AGMO: variants seen among roughly 807,000 people sequenced by gnomAD.
The protein encoded by AGMO is alkylglycerol monooxygenase.
A neutral mutation model predicts 60.2 loss-of-function variants in AGMO; 75 were observed. The ratio of observed to expected loss-of-function variants is 1.25; its 90% confidence interval spans 1.03 to 1.51. The LOEUF is 1.51. AGMO is among the 40% of genes most tolerant of loss of function. The pLI, the probability that AGMO is intolerant of heterozygous loss-of-function variation, is 0.00. For synonymous variants in AGMO, 261 were observed against 177.1 expected, an observed-to-expected ratio of 1.47 and a Z score of -3.76; for missense variants, 763 against 525.5, an observed-to-expected ratio of 1.45 and a Z score of -4.42.
the AGMO span, among the ~76,000 whole-genome samples, chr7:15,139,244 C>A: frequency 1.8e-3 from 276 of 152,244 alleles, 1 homozygote; most frequent in African/African-American, 6.2e-3. Context: ...TTATCCACTC[C>A]CAATTATTTC....
At chr7:15,195,512 T>C (rs1781095679), downstream of AGMO, among the ~76,000 whole-genome samples, 1 of 152,214 alleles carries the variant, frequency 6.6e-6, no homozygotes, top group Non-Finnish European at 1.5e-5. Context: ...CTTTTTATTA[T>C]GCAAATGGGT....
intron 12 of AGMO, among the ~76,000 whole-genome samples, chr7:15,237,400 T>TA (rs946666557): frequency 1.1e-4 from 17 of 152,138 alleles, no homozygotes; most frequent in Admixed American, 6.5e-5. Flanking sequence ...ATTTATGGAA[T>TA]AAGAAAGGTC....
intron 12 of AGMO, among the ~76,000 whole-genome samples, chr7:15,205,833 G>C (rs559676005): frequency 6.6e-6 from 1 of 152,012 alleles, no homozygotes; most frequent in East Asian, 1.9e-4. Flanking sequence ...GTATACCCTG[G>C]CCCTAAATGG....
At chr7:15,420,459 T>C (rs1044430788) in intron 4 of AGMO, among the ~76,000 whole-genome samples, 2 of 152,244 alleles carry the variant, frequency 1.3e-5, no homozygotes, top group African/African-American at 4.8e-5. Context: ...CAAAATACTA[T>C]ATTTCTAACA....
the AGMO span, among the ~76,000 whole-genome samples, chr7:15,131,459 T>A: frequency 6.6e-6 from 1 of 152,098 alleles, no homozygotes; most frequent in Non-Finnish European, 1.5e-5. Context: ...AGTTGACTCT[T>A]GTTAGTGACA....
intron 3 of AGMO, among the ~76,000 whole-genome samples, chr7:15,449,203 T>G (rs1781790718): frequency 6.6e-6 from 1 of 152,130 alleles, no homozygotes; most frequent in South Asian, 2.1e-4. Context: ...TTATTTATAA[T>G]GAAGTTCAAT....
intron 5 of AGMO, 75 bp from the exon 6 acceptor site, chr7:15,394,254 GA>G: frequency 9.1e-7 from 1 of 1,100,400 alleles, no homozygotes; most frequent in Non-Finnish European, 1.4e-6. Flanking sequence ...GCTCACATTA[GA>G]AACTCACATA....
the AGMO span, among the ~76,000 whole-genome samples, chr7:15,162,411 G>A: frequency 6.6e-6 from 1 of 152,130 alleles, no homozygotes; most frequent in African/African-American, 2.4e-5. Flanking sequence ...AATCAAAGGT[G>A]ACCAGGCATG....
chr7:15,553,891 C>T (rs1475382234), intron 2 of AGMO, among the ~76,000 whole-genome samples: 3 of 152,076 alleles, frequency 2.0e-5, no homozygotes, highest in Non-Finnish European at 4.4e-5. Flanking sequence ...CAAGCCTTCC[C>T]CCCACCACAT....
At chr7:15,255,548 AAAG>A (rs1292932304) in intron 12 of AGMO, among the ~76,000 whole-genome samples, 55 of 139,630 alleles carry the variant, frequency 3.9e-4, no homozygotes, top group Middle Eastern at 3.6e-3. Flanking sequence ...AAAAAAAAAA[AAAG>A]AAAGAAAGAA....
intron 12 of AGMO, among the ~76,000 whole-genome samples, chr7:15,278,260 C>T (rs547236015): frequency 1.3e-5 from 2 of 152,078 alleles, no homozygotes; most frequent in Non-Finnish European, 2.9e-5. Context: ...CTTTACCTTT[C>T]AGAACATGTG....
the AGMO span, among the ~76,000 whole-genome samples, chr7:15,121,671 C>T: frequency 6.6e-6 from 1 of 152,134 alleles, no homozygotes; most frequent in Non-Finnish European, 1.5e-5. Context: ...TGCTACCTGA[C>T]TTCAAACTAC....
At chr7:15,292,510 AG>A (rs1784293400) in intron 12 of AGMO, among the ~76,000 whole-genome samples, 2 of 152,204 alleles carry the variant, frequency 1.3e-5, no homozygotes, top group African/African-American at 4.8e-5. Context: ...GAGGACGACT[AG>A]TACTGTGAAC....
At chr7:15,551,127 C>T (rs1021517931) in intron 2 of AGMO, among the ~76,000 whole-genome samples, 2 of 152,174 alleles carry the variant, frequency 1.3e-5, no homozygotes, top group African/African-American at 2.4e-5. Flanking sequence ...ATCCTTCATG[C>T]TAAAAGCTCT....
intron 12 of AGMO, among the ~76,000 whole-genome samples, chr7:15,282,841 A>G (rs193257144): frequency 6.4e-4 from 97 of 152,288 alleles, no homozygotes; most frequent in African/African-American, 1.9e-3. Flanking sequence ...CAGTGAAACA[A>G]AAGCATCAGG....
intron 12 of AGMO, among the ~76,000 whole-genome samples, chr7:15,305,610 A>G (rs570182228): frequency 2.0e-5 from 3 of 152,170 alleles, no homozygotes; most frequent in African/African-American, 7.2e-5. Context: ...CTTCAAAATT[A>G]CATTCCTATA....
intron 3 of AGMO, among the ~76,000 whole-genome samples, chr7:15,517,621 G>T (rs1783856602): frequency 6.6e-6 from 1 of 151,904 alleles, no homozygotes; most frequent in African/African-American, 2.4e-5. Flanking sequence ...TTGAGAAAAG[G>T]TGCATTCCAG....
chr7:15,352,723 C>T (rs1033569610), intron 12 of AGMO, among the ~76,000 whole-genome samples: 1 of 151,618 alleles, frequency 6.6e-6, no homozygotes, highest in Non-Finnish European at 1.5e-5. Context: ...TGACGGTCTG[C>T]CAAATATCCA....
intron 4 of AGMO, among the ~76,000 whole-genome samples, chr7:15,423,669 T>C (rs540811572): frequency 1.3e-5 from 2 of 152,194 alleles, no homozygotes; most frequent in Non-Finnish European, 2.9e-5. Context: ...TGTCTTTTTA[T>C]ATACAGGGAA....
Sources: gnomAD v4.1 joint callset for allele counts (sites outside exome capture counted in the v4.1 genomes callset) on GRCh38, gnomAD v4.1.1 for gene constraint, MANE v1.5 for transcripts, NCBI Gene and HGNC (gene_info 2026-07-23, HGNC 2026-07-21) for gene names.